Variants in FLG observed in about 807,000 individuals in gnomAD.
The protein encoded by FLG is filaggrin, also known as epidermal filaggrin.
A neutral mutation model predicts 3.8 loss-of-function variants in FLG; 6 were observed. The observed-to-expected ratio is 1.60, with a 90% CI of 0.87 to 3.15. The LOEUF (loss-of-function observed/expected upper bound fraction) is 3.15. Ranked by LOEUF, FLG falls within the 30% of genes most tolerant of loss-of-function variation. The probability of loss-of-function intolerance (pLI) is 0.00; values close to 1 mark genes in which losing one functional copy is unlikely to be tolerated. For missense variants in FLG, 7,595 were observed against 5,050.9 expected (o/e 1.50, Z -15.27); for synonymous variants, 2,551 against 1,931.6 (o/e 1.32, Z -8.41).
In FLG at chr1:152,308,867, A is replaced by G; in HGVS notation, c.6019T>C (p.Ser2007Pro). Reference protein sequence around the residue: ...ARSSAGERHGSHHQLQSADSS... With the variant: ...ARSSAGERHGPHHQLQSADSS... ...TCTGCTGACTGGAGCTGGTGGTGGG[A>G]TCCATGTCTTTCTCCTGCACTTGAT... The change falls in exon 3 of 3, where the codon TCC (serine) becomes CCC (proline). Residue 2007 changes from serine (S) to proline (P), a missense_variant. Ser to Pro is a moderately conservative substitution (Grantham distance 74, BLOSUM62 -1). Coordinates refer to ENST00000368799, the MANE Select transcript of FLG (RefSeq NM_002016.2). 6.2e-7 allele frequency: 1 copy of G among 1,613,910 alleles called. No homozygotes were observed. The highest frequency in any genetic ancestry group is 2.2e-5 in the East Asian group (1 of 44,848).
In FLG at chr1:152,309,093, A is replaced by G; in HGVS notation, c.5793T>C (p.Ser1931=). ...TGGAAGCAGACCCAGACCACCTCTCAGAGTCTTCTGAGTGTCCCTGACTGT... is the reference window on the plus strand; with the variant it reads ...TGGAAGCAGACCCAGACCACCTCTCGGAGTCTTCTGAGTGTCCCTGACTGT... ...DSDSQGHSED[S]ERWSGSASRN... The change falls in exon 3 of 3, where the codon TCT becomes TCC. Residue 1931 remains serine, a synonymous_variant. Coordinates refer to ENST00000368799, the MANE Select transcript of FLG (RefSeq NM_002016.2). 6.2e-7 allele frequency: 1 copy of G among 1,614,006 alleles called. No individual in the cohort carries two copies. Among genetic ancestry groups the G allele is most frequent in the Admixed American group, 1.7e-5 (1 of 60,014 alleles).
rs746355769 is a variant in FLG at position 152,303,406 on chromosome 1, C to T, written c.11480G>A (p.Gly3827Glu). ...AGTGGAAGCTTCATGGTGACGCGAC[C>T]CTGAGTGCCTGGAGCCGTCTCCTGA... Reference protein sequence around the residue: ...EQSGDGSRHSGSRHHEASTQA... With the variant: ...EQSGDGSRHSESRHHEASTQA... The change falls in exon 3 of 3, where the codon GGG becomes GAG. Residue 3827 changes from glycine (G) to glutamate (E), a missense_variant. Physicochemically the swap from Gly to Glu is moderately conservative, Grantham distance 98. Transcript: ENST00000368799. 3 of 1,614,112 alleles carry T rather than the reference C, an allele frequency of 1.9e-6. No individual in the cohort carries two copies. The South Asian group carries it at 3.3e-5, about 18-fold the overall frequency.
Position 152,307,178 on chromosome 1 carries a change from C to T in FLG, c.7708G>A (p.Asp2570Asn), listed in dbSNP as rs774759879. 10 of 1,612,742 alleles carry T rather than the reference C, an allele frequency of 6.2e-6. No homozygotes were observed. In the African/African-American group the frequency reaches 1.1e-4, roughly 17 times the overall value. Residue 2570 changes from aspartate (D) to asparagine (N), a missense_variant, in exon 3 of 3, where the codon GAC becomes AAC. By Grantham distance (23) the Asp-to-Asn change is conservative. Coordinates refer to ENST00000368799, the MANE Select transcript of FLG (RefSeq NM_002016.2). Reference protein sequence around the residue: ...SRNWGSSFSQDSDSQGHSEDS... With the variant: ...SRNWGSSFSQNSDSQGHSEDS... ...TCTGAGTGTCCCTGACTGTCACTGT[C>T]CTGGCTAAAACTGGATCCCCAGTTC...
Position 152,303,313 on chromosome 1 carries a change from C to A in FLG, c.11573G>T (p.Arg3858Leu), listed in dbSNP as rs74129447. ...GTCCTGGCTAACACTGGATCCCTGGCGCCTGCTTCTCCTGGACCCCGCTGA... is the reference window on the plus strand; with the variant it reads ...GTCCTGGCTAACACTGGATCCCTGGAGCCTGCTTCTCCTGGACCCCGCTGA... ...GESAGSRRSR[R>L]QGSSVSQDSD... is the part of the protein sequence containing the mutation. The change falls in exon 3 of 3, where the codon CGC becomes CTC. Residue 3858 changes from arginine (R) to leucine (L), a missense_variant. Coordinates refer to ENST00000368799, the MANE Select transcript of FLG (RefSeq NM_002016.2). 2.0e-4 allele frequency: 324 copies of A among 1,613,878 alleles called. No homozygotes were observed. The highest frequency in any genetic ancestry group is 2.7e-4 in the Non-Finnish European group (315 of 1,180,006).
Position 152,309,834 on chromosome 1 carries a change from GC to G in FLG, c.5051del (p.Arg1684ProfsTer22), listed in dbSNP as rs778105843. 17 of 1,614,076 alleles carry G rather than the reference GC, an allele frequency of 1.1e-5. No individual in the cohort carries two copies. The highest frequency in any genetic ancestry group is 1.4e-5 in the Non-Finnish European group (17 of 1,180,024). ...TGGAGCTGTCTGCTGACTGCTGGTGGCGGGATCCATGTCTTTCTCCTGGACT... is the reference window on the plus strand; with the variant it reads ...TGGAGCTGTCTGCTGACTGCTGGTGGGGGATCCATGTCTTTCTCCTGGACT... ...RSSPGERHGS[R>X]HQQSADSSTD... is the part of the protein sequence containing the mutation. On this transcript the variant is annotated frameshift_variant, in exon 3 of 3. Coordinates refer to ENST00000368799, the MANE Select transcript of FLG (RefSeq NM_002016.2). LOFTEE classifies it low-confidence loss of function (END_TRUNC).
At position 152,304,175 on chromosome 1, in the gene FLG, A is replaced by C; in HGVS notation, c.10711T>G (p.Ser3571Ala). 6.2e-7 allele frequency: 1 copy of C among 1,606,830 alleles called. No homozygotes were observed. Residue 3571 changes from serine (S) to alanine (A), a missense_variant, in exon 3 of 3, where the codon TCA becomes GCA. By Grantham distance (99) the Ser-to-Ala change is moderately conservative (BLOSUM62 1). Coordinates refer to ENST00000368799, the MANE Select transcript of FLG (RefSeq NM_002016.2). ...GTGGGGTGTCTGGAGCCATCTCTTG[A>C]CTGCTCCTGAGCAGATCCACGATGG... ...RNHRGSAQEQ[S>A]RDGSRHPTSH...
rs765991573 is a variant in FLG at position 152,303,067 on chromosome 1, T to C, written c.11819A>G (p.Tyr3940Cys). The C allele has an allele frequency of 3.7e-6, 6 of 1,614,092 alleles. No homozygotes were observed. Among genetic ancestry groups the C allele is most frequent in the South Asian group, 1.1e-5 (1 of 91,082 alleles). ...HFSSLSQDSA[Y>C]HSGIQSRGSP... is the part of the protein sequence containing the mutation. Reference sequence around the variant, plus strand: ...GCCACGTGACTGTATTCCTGAGTGATACGCAGAATCTTGTGAAAGACTACT... The same window carrying C: ...GCCACGTGACTGTATTCCTGAGTGACACGCAGAATCTTGTGAAAGACTACT... The change falls in exon 3 of 3, where the codon TAT becomes TGT. Residue 3940 changes from tyrosine to cysteine, a missense_variant. By Grantham distance (194) the Tyr-to-Cys change is radical. Coordinates refer to ENST00000368799, the MANE Select transcript of FLG (RefSeq NM_002016.2).
At position 152,313,693 on chromosome 1, in the gene FLG, G is replaced by T; in HGVS notation, c.1193C>A (p.Ser398Ter). 1 of 1,614,114 alleles carries T rather than the reference G, an allele frequency of 6.2e-7. No individual in the cohort carries two copies. Among genetic ancestry groups the T allele is most frequent in the Non-Finnish European group, 8.5e-7 (1 of 1,180,016 alleles). The change falls in exon 3 of 3, where the codon TCA becomes TAA. Residue 398 changes from serine to a stop codon, truncating the protein, a stop_gained. Coordinates refer to ENST00000368799, the MANE Select transcript of FLG (RefSeq NM_002016.2). LOFTEE classifies it low-confidence loss of function (END_TRUNC). ...HQQSADSSRH[S>*]ATGRGQASSA... ...TGAAGCTTGCCCGCGCCCAGTGGCTGAGTGTCTGGAGCTGTCTGCTGACTG... is the reference window on the plus strand; with the variant it reads ...TGAAGCTTGCCCGCGCCCAGTGGCTTAGTGTCTGGAGCTGTCTGCTGACTG...
At chr1:152,321,207 TAC>T (rs1407044608) in intron 1 of FLG, among the ~76,000 whole-genome samples, 1 of 150,970 alleles carries the variant, frequency 6.6e-6, no homozygotes, top group Non-Finnish European at 1.5e-5. Context: ...ATAAGCAGCA[TAC>T]AGTTGTGTGT....
rs759559864 is a variant in FLG, at chr1:152,314,425, G to C, written c.461C>G (p.Ser154Cys). 10 of 1,612,846 alleles carry C rather than the reference G, an allele frequency of 6.2e-6. No homozygotes were observed. The highest frequency in any genetic ancestry group is 8.5e-6 in the Non-Finnish European group (10 of 1,179,792). Residue 154 changes from serine (S) to cysteine (C), a missense_variant, in exon 3 of 3, where the codon TCT becomes TGT. Coordinates refer to ENST00000368799, the MANE Select transcript of FLG (RefSeq NM_002016.2). The part of the protein sequence containing the change: ...PRETGGKRHE[S>C]SSEKKERKGY... The stretch of plus-strand genomic sequence containing the variant: ...TTTTCTTTCTTTTTTTTCAGAACTA[G>C]ATTCATGCCTTTTCCCCCCTGTTTC...
At position 152,305,322 on chromosome 1, in the gene FLG, A is replaced by T; in HGVS notation, c.9564T>A (p.His3188Gln). Residue 3188 changes from histidine (H) to glutamine (Q), a missense_variant, in exon 3 of 3, where the codon CAT becomes CAA. Physicochemically the swap from His to Gln is conservative, Grantham distance 24. Coordinates refer to ENST00000368799, the MANE Select transcript of FLG (RefSeq NM_002016.2). ...CCTGTGAGTGTCTAGAGATGTCGGC[A>T]TGAGTGGAAGCTTCATGGTGACGTG... is the stretch of plus-strand genomic sequence containing the variant. ...SVSRHHEAST[H>Q]ADISRHSQAV... is the part of the protein sequence containing the mutation. 1 of 1,608,168 alleles carries T rather than the reference A, an allele frequency of 6.2e-7. No individual in the cohort carries two copies. Among genetic ancestry groups the T allele is most frequent in the Non-Finnish European group, 8.5e-7 (1 of 1,178,362 alleles).
rs1652243754 is a variant in FLG, at chr1:152,309,576, G to C, written c.5310C>G (p.Ser1770Arg). 1 of 1,613,796 alleles carries C rather than the reference G, an allele frequency of 6.2e-7. No homozygotes were observed. The highest frequency in any genetic ancestry group is 1.7e-5 in the Admixed American group (1 of 59,992). ...GRSGSFLYQV[S>R]THEQSESAHG... Reference sequence around the variant, plus strand: ...GGGCGGACTCAGACTGTTCATGAGTGCTCACCTGGTAGAGGAAAGACCCTG... The same window carrying C: ...GGGCGGACTCAGACTGTTCATGAGTCCTCACCTGGTAGAGGAAAGACCCTG... The change falls in exon 3 of 3, where the codon AGC becomes AGG. Residue 1770 changes from serine (S) to arginine (R), a missense_variant. By Grantham distance (110) the Ser-to-Arg change is moderately radical. Transcript: ENST00000368799.
rs937377639 is a variant in FLG at position 152,302,232 on chromosome 1, A to AT, written c.*467dup. ...TATAATATTAATTATGTCCAAGATG[A>AT]TTTTTTGAATACAGAATACTAGAAT... On this transcript the variant is annotated 3_prime_UTR_variant, in exon 3 of 3. Transcript: ENST00000368799. 9 of 164,596 alleles carry AT rather than the reference A, an allele frequency of 5.5e-5. No homozygotes were observed. The highest frequency in any genetic ancestry group is 2.2e-4 in the African/African-American group (9 of 41,524). The allele number at this position is 164,596 out of a possible 1,614,324, so 10.2% of individuals were successfully genotyped here.
rs961814950 is a variant in FLG, at chr1:152,314,140, C to G, written c.746G>C (p.Ser249Thr). ...ATATATTTTGTTTTCTTCTAATAGA[C>G]TATCAGTGGTGTCATAGGCTTCATC... ...IQDEAYDTTD[S>T]LLEENKIYER... Residue 249 changes from serine to threonine, a missense_variant, in exon 3 of 3, where the codon AGT (serine) becomes ACT (threonine). Transcript: ENST00000368799. 5 of 1,614,024 alleles carry G rather than the reference C, an allele frequency of 3.1e-6. No homozygotes were observed. In the African/African-American group the frequency reaches 6.7e-5, roughly 22 times the overall value.
At position 152,310,401 on chromosome 1, in the gene FLG, T is replaced by G. The variant is rs562855035; in HGVS notation, c.4485A>C (p.Ser1495=). 4 of 1,613,578 alleles carry G rather than the reference T, an allele frequency of 2.5e-6. No homozygotes were observed. The East Asian group carries it at 8.9e-5, about 36-fold the overall frequency. Residue 1495 remains serine (S), a synonymous_variant, in exon 3 of 3, where the codon TCA becomes TCC. Coordinates refer to ENST00000368799, the MANE Select transcript of FLG (RefSeq NM_002016.2). ...AGGATCCCTGCCTTCCTCCTCTGCT[T>G]GACCCCGGGTGTCCACGAATGGTGT... ...GQDTIRGHPG[S]SRGGRQGSYH...
Position 152,309,413 on chromosome 1 carries a change from G to C in FLG, c.5473C>G (p.Gln1825Glu). Residue 1825 changes from glutamine (Q) to glutamate (E), a missense_variant, in exon 3 of 3, where the codon CAG becomes GAG. By Grantham distance (29) the Gln-to-Glu change is conservative. Transcript: ENST00000368799. Reference protein sequence around the residue: ...GHPGSSRGGRQGSHYEQSVDS... With the variant: ...GHPGSSRGGREGSHYEQSVDS... The stretch of plus-strand genomic sequence containing the variant: ...ACCGATTGCTCATAGTGGGATCCCT[G>C]CCTTCCTCCTCTGCTTGACCCTGGG... The C allele has an allele frequency of 6.2e-7, 1 of 1,613,692 alleles. No individual in the cohort carries two copies. Among genetic ancestry groups the C allele is most frequent in the Non-Finnish European group, 8.5e-7 (1 of 1,179,976 alleles).
In FLG at chr1:152,314,619, G is replaced by C. The variant is rs1289293794; in HGVS notation, c.267C>G (p.Thr89=). The C allele has an allele frequency of 6.2e-7, 1 of 1,613,656 alleles. No individual in the cohort carries two copies. Among genetic ancestry groups the C allele is most frequent in the African/African-American group, 1.3e-5 (1 of 74,822 alleles). The change falls in exon 3 of 3, where the codon ACC becomes ACG. Residue 89 remains threonine, a synonymous_variant. Transcript: ENST00000368799. ...FKLAQAYYES[T]RKENLPISGH... ...CTGATATCGGTAAATTCTCTTTTCT[G>C]GTAGACTCATAATATGCTTGAGCCA...
rs1286997244 is a variant in FLG, at chr1:152,308,214, C to G, written c.6672G>C (p.Leu2224=). The G allele has an allele frequency of 2.5e-6, 4 of 1,614,004 alleles. No individual in the cohort carries two copies. Among genetic ancestry groups the G allele is most frequent in the Non-Finnish European group, 2.5e-6 (3 of 1,179,974 alleles). ...GCCCTGATGATTGTCCCTGGCCCACCAGTGAGTGTCTAGAGCTGTCGGCCC... is the reference window on the plus strand; with the variant it reads ...GCCCTGATGATTGTCCCTGGCCCACGAGTGAGTGTCTAGAGCTGTCGGCCC... ...SSWADSSRHS[L]VGQGQSSGPR... The change falls in exon 3 of 3, where the codon CTG becomes CTC. Residue 2224 remains leucine, a synonymous_variant. Transcript: ENST00000368799.
Position 152,307,591 on chromosome 1 carries a change from C to T in FLG, c.7295G>A (p.Gly2432Glu), listed in dbSNP as rs1414741340. The part of the protein sequence containing the change: ...EQSESAHGRT[G>E]TSTGGRQGSH... ...TCCTTGTCTTCCTCCAGTGCTGGTC[C>T]CGGTCCGTCCATGGGCGGACTCAGA... is the stretch of plus-strand genomic sequence containing the variant. The change falls in exon 3 of 3, where the codon GGG becomes GAG. Residue 2432 changes from glycine to glutamate, a missense_variant. By Grantham distance (98) the Gly-to-Glu change is moderately conservative (BLOSUM62 -2). Transcript: ENST00000368799. 6.2e-7 allele frequency: 1 copy of T among 1,613,594 alleles called. No individual in the cohort carries two copies. The highest frequency in any genetic ancestry group is 8.5e-7 in the Non-Finnish European group (1 of 1,179,946).
Sources: gnomAD v4.1 joint callset for allele counts (sites outside exome capture counted in the v4.1 genomes callset) on GRCh38, gnomAD v4.1.1 for gene constraint, MANE v1.5 for transcripts, NCBI Gene and HGNC (gene_info 2026-07-23, HGNC 2026-07-21) for gene names.